Variants in BRD1 observed in about 807,000 individuals in gnomAD.
BRD1 encodes the protein bromodomain-containing protein 1.
Under a neutral mutation model 107.7 loss-of-function variants are expected in BRD1, and 24 were observed. The observed-to-expected ratio is 0.22, with a 90% CI of 0.16 to 0.31. BRD1 has a LOEUF of 0.31. Ranked by LOEUF, BRD1 falls within the 10% of genes least tolerant of loss-of-function variation. The pLI, the probability that BRD1 is intolerant of heterozygous loss-of-function variation, is 1.00. For missense variants in BRD1, 1,279 were observed against 1,638.6 expected (o/e 0.78, Z 3.79); for synonymous variants, 744 against 686.1 (o/e 1.08, Z -1.32).
intron 7 of BRD1, among the ~76,000 whole-genome samples, 186 bp from the exon 8 acceptor site, chr22:49,788,073 G>A (rs779642780): frequency 6.6e-6 from 1 of 152,196 alleles, no homozygotes; most frequent in Non-Finnish European, 1.5e-5. Flanking sequence ...CTTCCCTAAC[G>A]CCAAAGGCTG....
At chr22:49,798,834 A>G in intron 4 of BRD1, 148 bp from the exon 5 acceptor site, 2 of 1,433,858 alleles carry the variant, frequency 1.4e-6, no homozygotes, top group Non-Finnish European at 1.8e-6. Flanking sequence ...GGGCTCTGCA[A>G]CCCATGGCAG....
In BRD1 at chr22:49,774,231, C is replaced by T. The variant is rs1168216430; in HGVS notation, c.*2G>A. ...ACAAGACCCGCGCTGGCGGCCGGGC[C>T]GTCAGTCAATGTCACTGAGGTCGCT... is the stretch of plus-strand genomic sequence containing the variant. On this transcript the variant is annotated 3_prime_UTR_variant, in exon 13 of 13. Transcript: ENST00000404760. 4 of 1,611,848 alleles carry T rather than the reference C, an allele frequency of 2.5e-6. No homozygotes were observed. The highest frequency in any genetic ancestry group is 2.2e-5 in the South Asian group (2 of 90,890).
At chr22:49,813,572 C>G (rs1042829797) in intron 2 of BRD1, among the ~76,000 whole-genome samples, 1 of 151,032 alleles carries the variant, frequency 6.6e-6, no homozygotes, top group African/African-American at 2.4e-5. Flanking sequence ...ATGGCTCATG[C>G]CTATAATCCC....
intron 1 of BRD1, among the ~76,000 whole-genome samples, chr22:49,826,460 T>A (rs1162199803): frequency 6.6e-6 from 1 of 152,204 alleles, no homozygotes. Context: ...GCATTTCCAC[T>A]GGGAGGGATC....
Position 49,799,037 on chromosome 22 carries a change from C to T in BRD1, c.1607G>A (p.Arg536His). ...CTTGCGCAGCAGCTCGATCAGCAGGCGAGCGCGCTCCAGGTCGTGCCGCAG... is the reference window on the plus strand; with the variant it reads ...CTTGCGCAGCAGCTCGATCAGCAGGTGAGCGCGCTCCAGGTCGTGCCGCAG... ...QRLRHDLERA[R>H]LLIELLRKRE... The change falls in exon 4 of 13, where the codon CGC (arginine) becomes CAC (histidine). Residue 536 changes from arginine to histidine, a missense_variant. Physicochemically the swap from Arg to His is conservative, Grantham distance 29 (BLOSUM62 0). Coordinates refer to ENST00000404760, the MANE Select transcript of BRD1 (RefSeq NM_001304808.3). 1 of 1,611,278 alleles carries T rather than the reference C, an allele frequency of 6.2e-7. No homozygotes were observed. The highest frequency in any genetic ancestry group is 8.5e-7 in the Non-Finnish European group (1 of 1,179,894).
At chr22:49,787,294 T>TGGGGGGGG in intron 8 of BRD1, 96 bp downstream of exon 8, 1 of 1,245,132 alleles carries the variant, frequency 8.0e-7, no homozygotes, top group Non-Finnish European at 1.1e-6. Flanking sequence ...AAACAGAAGC[T>TGGGGGGGG]GGACACCCCC....
Position 49,787,426 on chromosome 22 carries a change from C to T in BRD1, c.2821G>A (p.Val941Met). 6.2e-7 allele frequency: 1 copy of T among 1,614,124 alleles called. No homozygotes were observed. The highest frequency in any genetic ancestry group is 8.5e-7 in the Non-Finnish European group (1 of 1,180,022). ...CGCTTTCCTGGGGACTCCTCCTCCA[C>T]CTCGGAGTCTCCGCATGTGCTCCGC... Reference protein sequence around the residue: ...RSRSTCGDSEVEEESPGKRLD... With the variant: ...RSRSTCGDSEMEEESPGKRLD... Residue 941 changes from valine to methionine, a missense_variant, in exon 8 of 13, where the codon GTG (valine) becomes ATG (methionine). Val to Met is a conservative substitution (Grantham distance 21). This residue lies in a region of BRD1 where 263 missense variants were observed against 251.6 expected (regional missense o/e 1.05). Coordinates refer to ENST00000404760, the MANE Select transcript of BRD1 (RefSeq NM_001304808.3).
chr22:49,778,282 G>T (rs1055838848), intron 8 of BRD1, among the ~76,000 whole-genome samples: 1 of 152,216 alleles, frequency 6.6e-6, no homozygotes, highest in Non-Finnish European at 1.5e-5. Context: ...GAGCTCCAGG[G>T]AATAGGAAAT....
intron 8 of BRD1, among the ~76,000 whole-genome samples, chr22:49,784,055 G>A (rs1411111775): frequency 1.3e-5 from 2 of 152,174 alleles, no homozygotes; most frequent in African/African-American, 4.8e-5. Context: ...AACAGCCGAA[G>A]GACACTGAAG....
rs2147421797 is a variant in BRD1, at chr22:49,823,142, G to A, written c.1176C>T (p.Gly392=). 1.2e-6 allele frequency: 2 copies of A among 1,614,198 alleles called. No individual in the cohort carries two copies. The highest frequency in any genetic ancestry group is 4.5e-5 in the East Asian group (2 of 44,886). The change falls in exon 2 of 13, where the codon GGC becomes GGT. Residue 392 remains glycine (G), a synonymous_variant. Transcript: ENST00000404760. The stretch of plus-strand genomic sequence containing the variant: ...AAATATTCAGAGGCCTCCGGGTGCA[G>A]CCTGGAGGCGTGTGGACATCACAGT... The part of the protein sequence containing the change: ...TAYCDVHTPP[G]CTRRPLNIYG...
intron 8 of BRD1, among the ~76,000 whole-genome samples, chr22:49,782,942 C>T (rs1204914182): frequency 7.3e-6 from 1 of 137,128 alleles, no homozygotes; most frequent in East Asian, 2.2e-4. Context: ...GTGACAATGC[C>T]GCTGGGGACA....
In BRD1 at chr22:49,823,920, G is replaced by C. The variant is rs2060114993; in HGVS notation, c.398C>G (p.Pro133Arg). 6.2e-7 allele frequency: 1 copy of C among 1,614,106 alleles called. No homozygotes were observed. Among genetic ancestry groups the C allele is most frequent in the African/African-American group, 1.3e-5 (1 of 74,944 alleles). Reference protein sequence around the residue: ...RIVEYSPPSAPRRPPVYYKFI... With the variant: ...RIVEYSPPSARRRPPVYYKFI... ...CTTGTAGTACACAGGAGGCCTCCTGGGGGCGGACGGAGGGCTGTACTCCAC... is the reference window on the plus strand; with the variant it reads ...CTTGTAGTACACAGGAGGCCTCCTGCGGGCGGACGGAGGGCTGTACTCCAC... The change falls in exon 2 of 13, where the codon CCC (proline) becomes CGC (arginine). Residue 133 changes from proline (P) to arginine (R), a missense_variant. This residue lies in a region of BRD1 where 223 missense variants were observed against 263.5 expected (regional missense o/e 0.85). Coordinates refer to ENST00000404760, the MANE Select transcript of BRD1 (RefSeq NM_001304808.3).
Position 49,775,626 on chromosome 22 carries a change from C to T in BRD1, c.3351G>A (p.Leu1117=), listed in dbSNP as rs374679874. The change falls in exon 12 of 13, where the codon CTG becomes CTA. Residue 1117 remains leucine, a synonymous_variant. Coordinates refer to ENST00000404760, the MANE Select transcript of BRD1 (RefSeq NM_001304808.3). ...EHMQTKSDEK[L]FLVLFFDNKR... is the part of the protein sequence containing the mutation. Reference sequence around the variant, plus strand: ...TATTATCAAAAAAGAGAACGAGGAACAGCTTCTCATCAGACTTGGTCTGCA... The same window carrying T: ...TATTATCAAAAAAGAGAACGAGGAATAGCTTCTCATCAGACTTGGTCTGCA... 6.2e-7 allele frequency: 1 copy of T among 1,612,466 alleles called. No individual in the cohort carries two copies. The highest frequency in any genetic ancestry group is 1.1e-5 in the South Asian group (1 of 90,718).
At chr22:49,800,935 A>AT (rs1485237127) in intron 3 of BRD1, among the ~76,000 whole-genome samples, 3 of 176 alleles carry the variant, frequency 0.017, no homozygotes, top group Admixed American at 0.11. Context: ...CTCTGCTGGG[A>AT]GGACAGGCCA....
At position 49,795,269 on chromosome 22, in the gene BRD1, G is replaced by A. The variant is rs140113450; in HGVS notation, c.2099-975C>T. 4.1e-3 allele frequency among the ~76,000 whole-genome samples: 617 copies of A among 152,270 alleles called. 5 individuals are homozygous for A. The highest frequency in any genetic ancestry group is 0.014 in the African/African-American group (585 of 41,524). On this transcript the variant is annotated intron_variant, in intron 6 of 12. Transcript: ENST00000404760. ...TGTTTCTTTCAAAACAGAGACCCACGGCCTCCAGGTCTGTGGCTCAGGCTC... is the reference window on the plus strand; with the variant it reads ...TGTTTCTTTCAAAACAGAGACCCACAGCCTCCAGGTCTGTGGCTCAGGCTC...
chr22:49,823,913 C>T lies in BRD1; in HGVS notation c.405G>A (p.Arg135=). 1 of 1,614,212 alleles carries T rather than the reference C, an allele frequency of 6.2e-7. No homozygotes were observed. The highest frequency in any genetic ancestry group is 8.5e-7 in the Non-Finnish European group (1 of 1,180,038). Reference sequence around the variant, plus strand: ...CGATGAACTTGTAGTACACAGGAGGCCTCCTGGGGGCGGACGGAGGGCTGT... The same window carrying T: ...CGATGAACTTGTAGTACACAGGAGGTCTCCTGGGGGCGGACGGAGGGCTGT... The part of the protein sequence containing the change: ...VEYSPPSAPR[R]PPVYYKFIEK... Residue 135 remains arginine, a synonymous_variant, in exon 2 of 13, where the codon AGG becomes AGA. Transcript: ENST00000404760.
At chr22:49,811,702 T>TG (rs568802218) in intron 2 of BRD1, among the ~76,000 whole-genome samples, 2 of 152,328 alleles carry the variant, frequency 1.3e-5, no homozygotes, top group African/African-American at 4.8e-5. Flanking sequence ...TGGCTGACCA[T>TG]GGGCAACTGA....
intron 2 of BRD1, 89 bp downstream of exon 2, chr22:49,822,862 C>CA: frequency 6.8e-7 from 1 of 1,471,648 alleles, no homozygotes; most frequent in African/African-American, 1.4e-5. Flanking sequence ...GCAATGACCA[C>CA]ACAGCACGGG....
chr22:49,775,836 C>CCCCCCCCCG, intron 11 of BRD1, 91 bp from the exon 12 acceptor site: 2 of 1,270,248 alleles, frequency 1.6e-6, no homozygotes, highest in East Asian at 2.7e-5. Flanking sequence ...CCTCCCCACC[C>CCCCCCCCCG]CAGCTGTGTG....
Sources: gnomAD v4.1 joint callset for allele counts (sites outside exome capture counted in the v4.1 genomes callset) on GRCh38, gnomAD v4.1.1 for gene constraint, gnomAD v4.1.1 regional missense constraint, MANE v1.5 for transcripts, NCBI Gene and HGNC (gene_info 2026-07-23, HGNC 2026-07-21) for gene names.